DYNC2H1: variants seen among roughly 807,000 people sequenced by gnomAD.
DYNC2H1 encodes the protein cytoplasmic dynein 2 heavy chain 1.
In DYNC2H1, 410 loss-of-function variants were observed where a neutral mutation model predicts 570.0. The observed-to-expected ratio is 0.72, with a 90% CI of 0.66 to 0.78. DYNC2H1 has a LOEUF of 0.78. DYNC2H1 is among the 30% of genes least tolerant of loss of function. The pLI, the probability that DYNC2H1 is intolerant of heterozygous loss-of-function variation, is 0.00. For synonymous variants in DYNC2H1, 1,688 were observed against 1,677.6 expected (o/e 1.01, Z -0.15); for missense variants, 4,865 against 5,046.4 (o/e 0.96, Z 1.09).
rs902985625 is a variant in DYNC2H1, at chr11:103,261,334, G to A, written c.10695+1357G>A. Among the ~76,000 whole-genome samples the A allele has an allele frequency of 6.6e-6, 1 of 152,218 alleles. No individual in the cohort carries two copies. Among genetic ancestry groups the A allele is most frequent in the Admixed American group, 6.5e-5 (1 of 15,290 alleles). ...GAGAGCATCGGATCTCCAACACAGAGCTTGAGCTCTGCTAAGGGACAGATT... is the reference window on the plus strand; with the variant it reads ...GAGAGCATCGGATCTCCAACACAGAACTTGAGCTCTGCTAAGGGACAGATT... On this transcript the variant is annotated intron_variant, in intron 70 of 88. Transcript: ENST00000375735. The surrounding 1 kb of genome is among the most constrained non-coding windows in gnomAD (Gnocchi z 4.8).
At chr11:103,222,253 T>A in intron 58 of DYNC2H1, 100 bp downstream of exon 58, 1 of 767,480 alleles carries the variant, frequency 1.3e-6, no homozygotes, top group Non-Finnish European at 1.9e-6. Flanking sequence ...TTAGATCACC[T>A]AAAAATGAAA....
At chr11:103,322,086 A>G (rs1005875799) in intron 81 of DYNC2H1, among the ~76,000 whole-genome samples, 4 of 152,150 alleles carry the variant, frequency 2.6e-5, no homozygotes, top group Admixed American at 2.6e-4. Flanking sequence ...TACCTTAAGT[A>G]TGCTGTTTTG....
intron 70 of DYNC2H1, among the ~76,000 whole-genome samples, chr11:103,263,022 C>CAAAAAAAAAAAAAAAAAA (rs35912109): frequency 5.0e-5 from 2 of 39,964 alleles, no homozygotes; most frequent in Non-Finnish European, 8.5e-5. Flanking sequence ...AAATGGAAAG[C>CAAAAAAAAAAAAAAAAAA]AAAAAAAAAA....
rs1422946245 is a variant in DYNC2H1, at chr11:103,145,505, T to C, written c.2702+2110T>C. Among the ~76,000 whole-genome samples the C allele has an allele frequency of 6.6e-6, 1 of 152,118 alleles. No individual in the cohort carries two copies. Among genetic ancestry groups the C allele is most frequent in the Non-Finnish European group, 1.5e-5 (1 of 68,010 alleles). ...AGAACCTCTACTGCTTCCTCTACTA[T>C]TTTTTTGTCCCTTACTATAGATAGC... On this transcript the variant is annotated intron_variant, in intron 18 of 88. Transcript: ENST00000375735. This position sits in a 1 kb window ranked among gnomAD's most constrained non-coding sequence, Gnocchi z 4.2.
chr11:103,341,473 A>T (rs1939437396), intron 82 of DYNC2H1, among the ~76,000 whole-genome samples: 1 of 152,180 alleles, frequency 6.6e-6, no homozygotes, highest in Admixed American at 6.5e-5. Flanking sequence ...GCCACTTAGT[A>T]TTATCTGGGA....
intron 3 of DYNC2H1, 96 bp downstream of exon 3, chr11:103,114,334 C>T (rs1858269887): frequency 2.2e-6 from 3 of 1,347,462 alleles, no homozygotes; most frequent in Non-Finnish European, 2.0e-6. Context: ...TCTTCAAATA[C>T]TTTTGGAATT....
intron 82 of DYNC2H1, among the ~76,000 whole-genome samples, chr11:103,335,621 TTAC>T (rs1939079112): frequency 6.6e-6 from 1 of 152,096 alleles, no homozygotes; most frequent in Admixed American, 6.5e-5. Context: ...TGAAATACGG[TTAC>T]TACATTTATT....
At chr11:103,272,450 C>T (rs1865747845) in intron 70 of DYNC2H1, among the ~76,000 whole-genome samples, 3 of 152,126 alleles carry the variant, frequency 2.0e-5, no homozygotes. Context: ...GGAGGGATAG[C>T]ATCAGGAGAT....
At chr11:103,469,307 A>C (rs1945295026) in intron 88 of DYNC2H1, among the ~76,000 whole-genome samples, 1 of 152,202 alleles carries the variant, frequency 6.6e-6, no homozygotes, top group East Asian at 1.9e-4. Flanking sequence ...TCAACAGTAG[A>C]ACTTGGGGTA....
intron 83 of DYNC2H1, among the ~76,000 whole-genome samples, chr11:103,389,015 T>A (rs189135388): frequency 6.6e-6 from 1 of 152,176 alleles, no homozygotes; most frequent in Non-Finnish European, 1.5e-5. Flanking sequence ...TGCTGGCCTC[T>A]TAAAATGAGT....
At chr11:103,297,819 G>A (rs1200759656) in intron 75 of DYNC2H1, among the ~76,000 whole-genome samples, 2 of 151,846 alleles carry the variant, frequency 1.3e-5, no homozygotes, top group East Asian at 1.9e-4. Flanking sequence ...TGCTTTATTA[G>A]TACCAACCTA....
At chr11:103,206,986 A>G (rs1490331956) in intron 52 of DYNC2H1, among the ~76,000 whole-genome samples, 3 of 152,160 alleles carry the variant, frequency 2.0e-5, no homozygotes, top group Non-Finnish European at 2.9e-5. Flanking sequence ...TGGTTGTGCA[A>G]TCTCGGCTCA....
At chr11:103,462,266 TTATAAA>T (rs564615259) in intron 87 of DYNC2H1, among the ~76,000 whole-genome samples, 207 of 152,198 alleles carry the variant, frequency 1.4e-3, no homozygotes, top group African/African-American at 3.9e-3. Context: ...CTCTCATTCC[TTATAAA>T]TATAAATTAA....
chr11:103,171,122 T>C, intron 34 of DYNC2H1, 54 bp downstream of exon 34: 1 of 1,364,364 alleles, frequency 7.3e-7, no homozygotes, highest in Admixed American at 2.2e-5. Flanking sequence ...AGACTTGATA[T>C]TACTCATACT....
intron 83 of DYNC2H1, among the ~76,000 whole-genome samples, chr11:103,364,159 A>C (rs1364508854): frequency 6.6e-6 from 1 of 152,238 alleles, no homozygotes; most frequent in Non-Finnish European, 1.5e-5. Flanking sequence ...TAAAGAATCT[A>C]ATGCAGTACC....
chr11:103,153,203 T>G, intron 21 of DYNC2H1, 100 bp from the exon 22 acceptor site: 1 of 1,042,496 alleles, frequency 9.6e-7, no homozygotes. Flanking sequence ...TGGTCATTGA[T>G]ATTTTTTCAC....
Position 103,179,266 on chromosome 11 carries a change from A to G in DYNC2H1, c.6347+33A>G, listed in dbSNP as rs1361171697. 4 of 1,580,066 alleles carry G rather than the reference A, an allele frequency of 2.5e-6. No individual in the cohort carries two copies. In the African/African-American group the frequency reaches 5.4e-5, roughly 21 times the overall value. Reference sequence around the variant, plus strand: ...ATAGATTATTTATATACAGTATATTAGAATATTCTTTTACTGTCCTGGTTT... The same window carrying G: ...ATAGATTATTTATATACAGTATATTGGAATATTCTTTTACTGTCCTGGTTT... On this transcript the variant is annotated intron_variant, in intron 39 of 88. Coordinates refer to ENST00000375735, the MANE Select transcript of DYNC2H1 (RefSeq NM_001377.3).
intron 17 of DYNC2H1, among the ~76,000 whole-genome samples, chr11:103,140,410 G>T (rs1435097542): frequency 6.6e-5 from 10 of 151,974 alleles, no homozygotes; most frequent in Non-Finnish European, 1.5e-4. Context: ...AGGCCTGGTG[G>T]TGACAAAATC....
intron 62 of DYNC2H1, 78 bp from the exon 63 acceptor site, chr11:103,236,352 G>C: frequency 1.1e-6 from 1 of 914,068 alleles, no homozygotes. Context: ...TTTTGTTTCG[G>C]AATAAATAGC....
Sources: allele counts gnomAD v4.1 joint callset (sites outside exome capture counted in the v4.1 genomes callset), GRCh38; gene constraint gnomAD v4.1.1; non-coding constraint Gnocchi (gnomAD v3.1); transcripts MANE v1.5; gene names NCBI Gene and HGNC (gene_info 2026-07-23, HGNC 2026-07-21).